RBFOX2: variants seen among roughly 807,000 people sequenced by gnomAD.
RBFOX2 encodes RNA binding protein fox-1 homolog 2.
A neutral mutation model predicts 49.1 loss-of-function variants in RBFOX2; 10 were observed. The ratio of observed to expected loss-of-function variants is 0.20; its 90% CI spans 0.13 to 0.35. The LOEUF is 0.35. RBFOX2 is among the 10% of genes least tolerant of loss of function. The probability of loss-of-function intolerance (pLI) is 1.00; values close to 1 mark genes in which losing one functional copy is unlikely to be tolerated. For synonymous variants in RBFOX2, 183 were observed against 187.4 expected (o/e 0.98, Z 0.19); for missense variants, 323 against 486.9 (o/e 0.66, Z 3.17).
upstream of RBFOX2, among the ~76,000 whole-genome samples, chr22:35,963,688 G>A (rs542937502): frequency 3.5e-4 from 54 of 152,222 alleles, no homozygotes; most frequent in African/African-American, 1.2e-3. Context: ...AGTTTTATAT[G>A]TGTCATCGCT....
intron 1 of RBFOX2, among the ~76,000 whole-genome samples, chr22:35,867,770 A>T (rs1014011906): frequency 6.6e-6 from 1 of 152,164 alleles, no homozygotes; most frequent in African/African-American, 2.4e-5. Flanking sequence ...AATTTTTTTA[A>T]ATTTTTTCTT....
chr22:35,960,714 GACA>G (rs2056101802), intron 1 of RBFOX2, among the ~76,000 whole-genome samples: 1 of 152,068 alleles, frequency 6.6e-6, no homozygotes, highest in Non-Finnish European at 1.5e-5. Flanking sequence ...TTGACTTTTT[GACA>G]ACACCACAAA....
intron 1 of RBFOX2, among the ~76,000 whole-genome samples, chr22:36,008,343 C>G (rs1247350488): frequency 1.3e-5 from 2 of 151,888 alleles, no homozygotes; most frequent in Admixed American, 1.3e-4. Context: ...AATTTTGTCT[C>G]CAAGCAAAAG....
chr22:35,809,955 G>A (rs142308710), exon 2 of RBFOX2: 9 of 1,614,126 alleles, frequency 5.6e-6, no homozygotes, highest in Non-Finnish European at 7.6e-6. Context: ...TGGGATGGTA[G>A]TAAAAGGCTG....
intron 2 of RBFOX2, among the ~76,000 whole-genome samples, chr22:35,795,628 C>CAAAAAAAAAAAA (rs139555281): frequency 3.0e-5 from 1 of 33,570 alleles, no homozygotes; most frequent in Non-Finnish European, 5.5e-5. Flanking sequence ...TGTAGAAAAG[C>CAAAAAAAAAAAA]AAAAAAAAAA....
At chr22:35,827,400 C>G (rs1392450991) in intron 1 of RBFOX2, among the ~76,000 whole-genome samples, 1 of 152,202 alleles carries the variant, frequency 6.6e-6, no homozygotes, top group Admixed American at 6.5e-5. Flanking sequence ...AACATGGAAA[C>G]TCTGTTTTTC....
At chr22:35,892,035 C>T (rs546815637) in intron 1 of RBFOX2, among the ~76,000 whole-genome samples, 2 of 152,270 alleles carry the variant, frequency 1.3e-5, no homozygotes, top group Admixed American at 1.3e-4. Context: ...CAACGTGATA[C>T]AGAAAACACT....
At chr22:35,909,411 T>C (rs1281122220) in intron 1 of RBFOX2, among the ~76,000 whole-genome samples, 1 of 152,140 alleles carries the variant, frequency 6.6e-6, no homozygotes, top group African/African-American at 2.4e-5. Context: ...ACAACAGCAG[T>C]AAAAGGCTTA....
chr22:35,909,865 G>A (rs1264459401), intron 1 of RBFOX2, among the ~76,000 whole-genome samples: 9 of 152,104 alleles, frequency 5.9e-5, no homozygotes, highest in Non-Finnish European at 8.8e-5. Flanking sequence ...CACCCACCTC[G>A]GCCTCCCAAA....
chr22:35,788,120 A>G (rs1352763715), intron 2 of RBFOX2, among the ~76,000 whole-genome samples: 1 of 152,200 alleles, frequency 6.6e-6, no homozygotes, highest in East Asian at 1.9e-4. Context: ...ATGACTTCAA[A>G]TTTTTAAAAT....
intron 6 of RBFOX2, among the ~76,000 whole-genome samples, chr22:35,765,161 G>A (rs534357330): frequency 2.0e-5 from 3 of 150,316 alleles, no homozygotes; most frequent in Admixed American, 6.7e-5. Context: ...TCCAATTTGG[G>A]TTAATAGGCA....
intron 1 of RBFOX2, among the ~76,000 whole-genome samples, chr22:35,839,564 G>T (rs956276686): frequency 1.3e-5 from 2 of 152,176 alleles, no homozygotes; most frequent in Admixed American, 1.3e-4. Flanking sequence ...GTGTGATTGT[G>T]ATTTATACAT....
rs184770225 is a variant in RBFOX2, at chr22:35,948,609, C to T, written c.43-9712G>A. On this transcript the variant is annotated intron_variant, in intron 1 of 5. Coordinates refer to the RBFOX2 transcript ENST00000408983. The stretch of plus-strand genomic sequence containing the variant: ...CTGAAATGGGAGGATGGCTTGAGTC[C>T]AGGAGGTGGAAGCTGCAGTGAGCTG... Among the ~76,000 whole-genome samples the T allele has an allele frequency of 3.1e-3, 476 of 152,104 alleles. 4 individuals carry two copies. The highest frequency in any genetic ancestry group is 5.1e-3 in the Non-Finnish European group (346 of 67,978).
At chr22:35,849,780 C>A (rs1037062179) in intron 1 of RBFOX2, among the ~76,000 whole-genome samples, 8 of 152,104 alleles carry the variant, frequency 5.3e-5, no homozygotes, top group Admixed American at 4.6e-4. Context: ...CTGATGAAGT[C>A]GGAGCTTGGT....
At chr22:35,935,881 T>G (rs1271763006) in intron 1 of RBFOX2, among the ~76,000 whole-genome samples, 1 of 152,158 alleles carries the variant, frequency 6.6e-6, no homozygotes, top group African/African-American at 2.4e-5. Flanking sequence ...AGGGAATATT[T>G]GCCTCATCTA....
Position 35,887,389 on chromosome 22 carries a change from G to C in RBFOX2, c.-34+51458C>G, listed in dbSNP as rs150541046. ...CTTCCTTGCCCTCCCACGCCCTGGA[G>C]GTCATGGGCTATTCTCAGCAAACTC... is the stretch of plus-strand genomic sequence containing the variant. On this transcript the variant is annotated intron_variant, in intron 1 of 13. Coordinates refer to the RBFOX2 transcript ENST00000359369. 5.3e-4 allele frequency among the ~76,000 whole-genome samples: 81 copies of C among 152,210 alleles called. No individual in the cohort carries two copies. In the East Asian group the frequency reaches 0.015, roughly 29 times the overall value.
chr22:35,847,806 A>C (rs1461359596), intron 1 of RBFOX2, among the ~76,000 whole-genome samples: 1 of 152,120 alleles, frequency 6.6e-6, no homozygotes, highest in Non-Finnish European at 1.5e-5. Context: ...GTAGTTTCAA[A>C]TACTGTGCAC....
intron 1 of RBFOX2, among the ~76,000 whole-genome samples, chr22:35,872,675 C>T (rs1603429462): frequency 6.6e-6 from 1 of 152,206 alleles, no homozygotes; most frequent in Admixed American, 6.5e-5. Context: ...TGACGTCTGT[C>T]GGTGTGCTCT....
intron 1 of RBFOX2, among the ~76,000 whole-genome samples, chr22:35,858,855 C>T (rs1174654901): frequency 2.7e-5 from 4 of 149,272 alleles, no homozygotes; most frequent in African/African-American, 9.9e-5. Context: ...AAGAATTAAG[C>T]TAAAACAGTT....
Sources: gnomAD v4.1 joint callset for allele counts (sites outside exome capture counted in the v4.1 genomes callset) on GRCh38, gnomAD v4.1.1 for gene constraint, MANE v1.5 for transcripts, NCBI Gene and HGNC (gene_info 2026-07-23, HGNC 2026-07-21) for gene names.